The following BET1 variants were observed in gnomAD, a reference collection of about 807,000 sequenced individuals.
BET1 encodes BET1 homolog.
Under a neutral mutation model 13.9 loss-of-function variants are expected in BET1, and 9 were observed. The observed-to-expected ratio is 0.65, with a 90% CI of 0.39 to 1.13. The LOEUF is 1.13. BET1 is among the 50% of genes most tolerant of loss of function. BET1 has a pLI of 0.01. For synonymous variants in BET1, 39 were observed against 47.3 expected, an observed-to-expected ratio of 0.82 and a Z score of 0.72; for missense variants, 127 against 133.6, an observed-to-expected ratio of 0.95 and a Z score of 0.24.
At chr7:93,982,991 G>T (rs1226443554) in intron 4 of BET1, among the ~76,000 whole-genome samples, 1 of 152,076 alleles carries the variant, frequency 6.6e-6, no homozygotes, top group African/African-American at 2.4e-5. Flanking sequence ...AAAGAACAGG[G>T]CAGATAAGGC....
chr7:94,001,979 T>C (rs961279018), intron 1 of BET1, among the ~76,000 whole-genome samples: 5 of 152,232 alleles, frequency 3.3e-5, no homozygotes, highest in Non-Finnish European at 5.9e-5. Context: ...CGTCCAGAAA[T>C]ATATCAATGC....
intron 2 of BET1, 24 bp from the exon 3 acceptor site, chr7:93,996,345 G>A (rs1320183742): frequency 6.8e-7 from 1 of 1,472,176 alleles, no homozygotes; most frequent in Non-Finnish European, 9.2e-7. Flanking sequence ...GGTATACACA[G>A]GATTACTCAC....
intron 1 of BET1, among the ~76,000 whole-genome samples, chr7:94,000,726 A>G (rs1343675440): frequency 6.6e-6 from 1 of 152,124 alleles, no homozygotes; most frequent in Non-Finnish European, 1.5e-5. Flanking sequence ...AGAGGTTGAG[A>G]CTGCTTGCCA....
chr7:93,997,989 G>T (rs1795808812), intron 2 of BET1, among the ~76,000 whole-genome samples: 1 of 152,262 alleles, frequency 6.6e-6, no homozygotes, highest in East Asian at 1.9e-4. Context: ...AGTTTGGAGG[G>T]AGGGGGTGCA....
At chr7:93,967,084 A>G (rs1174267210) in intron 6 of BET1, among the ~76,000 whole-genome samples, 2 of 151,894 alleles carry the variant, frequency 1.3e-5, no homozygotes, top group Non-Finnish European at 2.9e-5. Flanking sequence ...AATTCTTCCT[A>G]TGGTAATTCT....
chr7:93,986,988 T>C (rs183732289), intron 4 of BET1, among the ~76,000 whole-genome samples: 32 of 151,996 alleles, frequency 2.1e-4, no homozygotes, highest in Middle Eastern at 3.4e-3. Flanking sequence ...CAGTAGAACA[T>C]ACCATGTAGG....
chr7:93,971,433 T>G (rs1795256733), intron 6 of BET1, among the ~76,000 whole-genome samples: 1 of 151,742 alleles, frequency 6.6e-6, no homozygotes, highest in African/African-American at 2.4e-5. Context: ...GAGGACAATT[T>G]AAGTCTACAG....
rs79526205 is a variant in BET1 at position 94,002,458 on chromosome 7, TAAA to T, written c.19+1737_19+1739del. ...TCTCAATCACAGAAGAGCTTTTTTT[TAAA>T]AAAAAAAAAAAAAGAAAGAAAAAAA... On this transcript the variant is annotated intron_variant, in intron 1 of 3. Transcript: ENST00000222547. Among the ~76,000 whole-genome samples, 967 of 128,052 alleles carry T rather than the reference TAAA, an allele frequency of 7.6e-3. 5 individuals carry two copies. The highest frequency in any genetic ancestry group is 0.012 in the Middle Eastern group (3 of 254). 84.0% of individuals were successfully genotyped at this position (128,052 alleles called of 152,430 possible). A position where few individuals can be genotyped will look rare whatever the true frequency, so the allele number is the denominator to read the frequency against.
chr7:93,989,757 G>A (rs2116096795), downstream of BET1, among the ~76,000 whole-genome samples: 1 of 152,240 alleles, frequency 6.6e-6, no homozygotes, highest in South Asian at 2.1e-4. Context: ...TAGAAAGAAT[G>A]TTTTCTATAT....
At chr7:93,997,008 GA>G (rs1412796851) in intron 2 of BET1, among the ~76,000 whole-genome samples, 1 of 151,530 alleles carries the variant, frequency 6.6e-6, no homozygotes, top group Non-Finnish European at 1.5e-5. Context: ...ATAATAAATT[GA>G]AAAAAATAAA....
Position 93,993,683 on chromosome 7 carries a change from G to C in BET1, c.*547C>G. On this transcript the variant is annotated 3_prime_UTR_variant, in exon 4 of 4. Transcript: ENST00000222547. The stretch of plus-strand genomic sequence containing the variant: ...AGGTCTTTGGGCAGAAAGAAATGAG[G>C]GGTCATTATCATCAAAAATTATTAG... 7.5e-7 allele frequency: 1 copy of C among 1,337,552 alleles called. No individual in the cohort carries two copies. Among genetic ancestry groups the C allele is most frequent in the South Asian group, 2.3e-5 (1 of 44,290 alleles). The allele number at this position is 1,337,552 out of a possible 1,614,324, so 82.9% of individuals were successfully genotyped here.
intron 1 of BET1, among the ~76,000 whole-genome samples, chr7:94,002,636 T>C (rs1001397877): frequency 2.6e-5 from 4 of 152,160 alleles, no homozygotes; most frequent in African/African-American, 9.7e-5. Flanking sequence ...GTCACTTTCC[T>C]GCAATTTAAC....
chr7:93,989,760 T>C (rs1795596004), downstream of BET1, among the ~76,000 whole-genome samples: 2 of 152,210 alleles, frequency 1.3e-5, no homozygotes, highest in Non-Finnish European at 2.9e-5. Context: ...AAAGAATGTT[T>C]TCTATATCCC....
At chr7:93,966,794 T>A (rs1795180796) in intron 6 of BET1, among the ~76,000 whole-genome samples, 1 of 151,810 alleles carries the variant, frequency 6.6e-6, no homozygotes, top group Admixed American at 6.6e-5. Flanking sequence ...GAATCTTTGG[T>A]AGCATCCTTG....
rs11551308 is a variant in BET1 at position 93,993,362 on chromosome 7, G to A, written c.*868C>T. The stretch of plus-strand genomic sequence containing the variant: ...ATTTTTTACTCAACAGTCTGCCTTT[G>A]TGTTTTTCTTTCCATAAACAAATAC... On this transcript the variant is annotated 3_prime_UTR_variant, in exon 4 of 4. Coordinates refer to ENST00000222547, the MANE Select transcript of BET1 (RefSeq NM_005868.6). 6.2e-4 allele frequency: 598 copies of A among 961,000 alleles called. 3 individuals carry two copies. In the African/African-American group the frequency reaches 9.7e-3, roughly 16 times the overall value. The allele number at this position is 961,000 out of a possible 1,614,324, so 59.5% of individuals were successfully genotyped here. A position where few individuals can be genotyped will look rare whatever the true frequency, so the allele number is the denominator to read the frequency against.
intron 3 of BET1, among the ~76,000 whole-genome samples, chr7:93,994,976 T>TGG (rs1481237134): frequency 6.6e-6 from 1 of 152,212 alleles, no homozygotes. Flanking sequence ...CCCAAGTAGC[T>TGG]GGGACTACAG....
chr7:93,996,936 ATTACT>A (rs937978156), intron 2 of BET1, among the ~76,000 whole-genome samples: 6 of 145,830 alleles, frequency 4.1e-5, no homozygotes, highest in African/African-American at 1.6e-4. Context: ...GAAATGTTAC[ATTACT>A]TTAAATATGT....
intron 4 of BET1, among the ~76,000 whole-genome samples, chr7:93,980,943 C>A (rs1235338559): frequency 6.6e-6 from 1 of 152,096 alleles, no homozygotes. Flanking sequence ...CACAAGAGTT[C>A]AAGTGTAATT....
At chr7:93,971,748 T>C (rs1795261505) in intron 6 of BET1, among the ~76,000 whole-genome samples, 1 of 151,792 alleles carries the variant, frequency 6.6e-6, no homozygotes, top group African/African-American at 2.4e-5. Flanking sequence ...TATTATATTA[T>C]AGGTTAATGT....
Sources: allele counts gnomAD v4.1 joint callset (sites outside exome capture counted in the v4.1 genomes callset), GRCh38; gene constraint gnomAD v4.1.1; transcripts MANE v1.5; gene names NCBI Gene and HGNC (gene_info 2026-07-23, HGNC 2026-07-21).